The following NRXN1 variants were observed in gnomAD, a reference collection of about 807,000 sequenced individuals.
NRXN1 encodes neurexin 1, also known as neurexin-1.
Under a neutral mutation model 150.9 loss-of-function variants are expected in NRXN1, and 39 were observed. The ratio of observed to expected loss-of-function variants is 0.26; its 90% CI spans 0.20 to 0.34. The LOEUF (loss-of-function observed/expected upper bound fraction) is 0.34, where lower values mean the gene tolerates loss of function less well. Among genes scored for constraint, NRXN1 ranks in the 10% least tolerant of loss-of-function variants. The pLI is 1.00. For synonymous variants in NRXN1, 924 were observed against 757.0 expected (o/e 1.22, Z -3.62); for missense variants, 1,815 against 1,949.9 (o/e 0.93, Z 1.30).
intron 17 of NRXN1, among the ~76,000 whole-genome samples, chr2:50,247,198 CATGGTCGA>C (rs2066582122): frequency 5.3e-5 from 8 of 152,040 alleles, no homozygotes; most frequent in African/African-American, 1.9e-4. Context: ...TAAGAAAAAA[CATGGTCGA>C]CTTAGTTATA....
intron 17 of NRXN1, among the ~76,000 whole-genome samples, chr2:50,314,909 AG>A (rs2075470040): frequency 6.6e-6 from 1 of 152,038 alleles, no homozygotes; most frequent in South Asian, 2.1e-4. Context: ...AGGGTGTTAA[AG>A]GCAGGTGATC....
chr2:50,860,374 C>A (rs1169406599), intron 5 of NRXN1, among the ~76,000 whole-genome samples: 2 of 151,846 alleles, frequency 1.3e-5, no homozygotes, highest in African/African-American at 4.8e-5. Context: ...TTATAGAAAT[C>A]AGAGATTATA....
chr2:50,621,785 G>A (rs1380027737), intron 6 of NRXN1, among the ~76,000 whole-genome samples: 1 of 152,118 alleles, frequency 6.6e-6, no homozygotes, highest in East Asian at 1.9e-4. Context: ...CGGTCATATT[G>A]ATGGACTTTA....
intron 17 of NRXN1, among the ~76,000 whole-genome samples, chr2:50,293,364 T>A (rs924434363): frequency 6.6e-6 from 1 of 152,128 alleles, no homozygotes; most frequent in Non-Finnish European, 1.5e-5. Context: ...CTGAGGGAAG[T>A]AGTCATAGGT....
intron 10 of NRXN1, among the ~76,000 whole-genome samples, chr2:50,532,923 C>T (rs1236451190): frequency 6.6e-6 from 1 of 152,168 alleles, no homozygotes; most frequent in Non-Finnish European, 1.5e-5. Flanking sequence ...TAAAGAAAAA[C>T]TACCTGGAAT....
chr2:49,965,116 A>C (rs916952116), intron 21 of NRXN1, among the ~76,000 whole-genome samples: 1 of 151,542 alleles, frequency 6.6e-6, no homozygotes, highest in Non-Finnish European at 1.5e-5. Flanking sequence ...CTGAGCTCCA[A>C]TGATCCACCT....
chr2:50,645,938 C>T (rs1684755625), intron 5 of NRXN1, among the ~76,000 whole-genome samples: 1 of 151,788 alleles, frequency 6.6e-6, no homozygotes, highest in East Asian at 1.9e-4. Flanking sequence ...AGTGCTGCTA[C>T]CTAGGAAGGA....
At chr2:50,966,569 T>C (rs567726608) in intron 2 of NRXN1, among the ~76,000 whole-genome samples, 4 of 151,852 alleles carry the variant, frequency 2.6e-5, no homozygotes, top group African/African-American at 9.6e-5. Flanking sequence ...TAGAAAGGCA[T>C]TCTACACTAC....
At chr2:50,960,301 C>A (rs991214519) in intron 2 of NRXN1, among the ~76,000 whole-genome samples, 1 of 151,574 alleles carries the variant, frequency 6.6e-6, no homozygotes. Context: ...CTTTCTTTCT[C>A]TCCTCATCCC....
At chr2:50,093,503 C>T (rs1487066953) in intron 18 of NRXN1, among the ~76,000 whole-genome samples, 1 of 149,824 alleles carries the variant, frequency 6.7e-6, no homozygotes, top group Non-Finnish European at 1.5e-5. Flanking sequence ...GGCATGGTGG[C>T]ACACACCTGT....
At chr2:50,528,524 TTTTATAAACACA>T (rs1474842489) in intron 12 of NRXN1, 89 bp downstream of exon 12, 1 of 721,182 alleles carries the variant, frequency 1.4e-6, no homozygotes, top group African/African-American at 1.9e-5. Flanking sequence ...AGCTCATGAG[TTTTATAAACACA>T]TTTCTCTTGC....
chr2:50,472,524 A>G (rs2089595457), intron 15 of NRXN1, 53 bp from the exon 16 acceptor site: 1 of 1,466,006 alleles, frequency 6.8e-7, no homozygotes, highest in East Asian at 2.3e-5. Context: ...TTGACTTTAA[A>G]CACACAGTAG....
At chr2:50,266,698 G>A (rs144576053) in intron 17 of NRXN1, among the ~76,000 whole-genome samples, 84 of 152,040 alleles carry the variant, frequency 5.5e-4, no homozygotes, top group African/African-American at 1.8e-3. Flanking sequence ...CTCTGACCCT[G>A]TCTACTTTCC....
intron 17 of NRXN1, among the ~76,000 whole-genome samples, chr2:50,389,591 C>G (rs921832080): frequency 6.6e-6 from 1 of 151,898 alleles, no homozygotes; most frequent in Non-Finnish European, 1.5e-5. Context: ...TTTTTCAAGG[C>G]CTCTCAGAGG....
chr2:50,272,783 T>C (rs1272628326), intron 17 of NRXN1, among the ~76,000 whole-genome samples: 1 of 152,076 alleles, frequency 6.6e-6, no homozygotes, highest in Non-Finnish European at 1.5e-5. Context: ...TCATAAATTT[T>C]CCAGATTTAG....
intron 18 of NRXN1, among the ~76,000 whole-genome samples, chr2:50,137,805 AG>A (rs1340226618): frequency 2.0e-5 from 3 of 152,218 alleles, no homozygotes; most frequent in African/African-American, 4.8e-5. Context: ...TGTTTTAAAA[AG>A]AAAAAAATAA....
intron 21 of NRXN1, among the ~76,000 whole-genome samples, chr2:50,046,315 C>T (rs898153533): frequency 2.0e-5 from 3 of 152,156 alleles, no homozygotes; most frequent in Admixed American, 1.3e-4. Flanking sequence ...ACATACATCC[C>T]TTAGGGGAAT....
intron 17 of NRXN1, among the ~76,000 whole-genome samples, chr2:50,292,242 T>A (rs2073017690): frequency 6.6e-6 from 1 of 152,178 alleles, no homozygotes; most frequent in African/African-American, 2.4e-5. Flanking sequence ...AATTGACATT[T>A]CACTGTCCAT....
At chr2:50,528,862 C>G in intron 11 of NRXN1, 1 of 452,154 alleles carries the variant, frequency 2.2e-6, no homozygotes, top group Non-Finnish European at 4.0e-6. Flanking sequence ...TAAAAATGGC[C>G]AATTCAAACA....
Sources: allele counts gnomAD v4.1 joint callset (sites outside exome capture counted in the v4.1 genomes callset), GRCh38; gene constraint gnomAD v4.1.1; transcripts MANE v1.5; gene names NCBI Gene and HGNC (gene_info 2026-07-23, HGNC 2026-07-21).